The following COMMD10 variants were observed in gnomAD, a reference collection of about 807,000 sequenced individuals.
The protein encoded by COMMD10 is COMM domain containing 10, also known as COMM domain-containing protein 10.
COMMD10 carries 33 observed loss-of-function variants against 28.9 expected under a neutral mutation model. The observed-to-expected ratio is 1.14, with a 90% CI of 0.87 to 1.53. COMMD10 has a LOEUF of 1.53. COMMD10 is among the 40% of genes most tolerant of loss of function. The pLI is 0.00. For missense variants in COMMD10, 310 were observed against 233.4 expected (o/e 1.33, Z -2.14); for synonymous variants, 110 against 81.7 (o/e 1.35, Z -1.87).
At position 116,266,315 on chromosome 5, in the gene COMMD10, G is replaced by A. The variant is rs1453734008; in HGVS notation, c.511-25202G>A. Among the ~76,000 whole-genome samples, 5 of 151,644 alleles carry A rather than the reference G, an allele frequency of 3.3e-5. No homozygotes were observed. The East Asian group carries it at 7.7e-4, about 23-fold the overall frequency. ...TTTTGAGGTATTATGGATCCAAATTGTAGATTTTTTAAAGGTTAAGCTGTT... is the reference window on the plus strand; with the variant it reads ...TTTTGAGGTATTATGGATCCAAATTATAGATTTTTTAAAGGTTAAGCTGTT... On this transcript the variant is annotated intron_variant, in intron 5 of 6. Coordinates refer to ENST00000274458, the MANE Select transcript of COMMD10 (RefSeq NM_016144.4).
intron 5 of COMMD10, among the ~76,000 whole-genome samples, chr5:116,247,573 C>T (rs994688071): frequency 2.7e-5 from 4 of 150,002 alleles, no homozygotes; most frequent in Non-Finnish European, 4.5e-5. Context: ...TCAAGCTAAA[C>T]GCCTGTCACT....
chr5:116,193,531 A>G (rs1748428080), intron 5 of COMMD10, among the ~76,000 whole-genome samples: 1 of 152,202 alleles, frequency 6.6e-6, no homozygotes, highest in Non-Finnish European at 1.5e-5. Context: ...AGCTACTCTT[A>G]TGTCAGACAA....
intron 5 of COMMD10, among the ~76,000 whole-genome samples, chr5:116,141,689 C>T (rs1752201463): frequency 6.6e-6 from 1 of 151,462 alleles, no homozygotes; most frequent in South Asian, 2.1e-4. Context: ...TAGCGGGGGG[C>T]TGGGAAGAGG....
At chr5:116,203,949 T>C (rs1300812151) in intron 5 of COMMD10, among the ~76,000 whole-genome samples, 1 of 152,036 alleles carries the variant, frequency 6.6e-6, no homozygotes, top group Non-Finnish European at 1.5e-5. Flanking sequence ...GGCTGGCAAA[T>C]TGGATAAAGA....
At chr5:116,224,334 C>G (rs577963478) in intron 5 of COMMD10, among the ~76,000 whole-genome samples, 10 of 152,234 alleles carry the variant, frequency 6.6e-5, no homozygotes, top group South Asian at 4.1e-4. Flanking sequence ...CTCTACAGTT[C>G]CCAGCCATTG....
At chr5:116,260,530 C>A (rs1430796316) in intron 5 of COMMD10, among the ~76,000 whole-genome samples, 3 of 151,704 alleles carry the variant, frequency 2.0e-5, no homozygotes, top group Non-Finnish European at 4.4e-5. Flanking sequence ...TCTAACTTAA[C>A]CAATATTAAA....
intron 4 of COMMD10, among the ~76,000 whole-genome samples, chr5:116,129,064 T>C (rs1432492228): frequency 6.6e-6 from 1 of 151,874 alleles, no homozygotes; most frequent in Non-Finnish European, 1.5e-5. Context: ...TATGTAAACA[T>C]ACAATTCCAC....
chr5:116,150,175 A>G (rs1752474809), intron 5 of COMMD10, among the ~76,000 whole-genome samples: 1 of 151,918 alleles, frequency 6.6e-6, no homozygotes, highest in African/African-American at 2.4e-5. Context: ...GTAGCTATGC[A>G]GTGTTACTTC....
intron 5 of COMMD10, among the ~76,000 whole-genome samples, chr5:116,269,779 C>A (rs1227129298): frequency 1.3e-5 from 2 of 151,746 alleles, no homozygotes; most frequent in Non-Finnish European, 2.9e-5. Flanking sequence ...GGTTTGCTTA[C>A]ATGTAGGTTA....
intron 5 of COMMD10, among the ~76,000 whole-genome samples, chr5:116,191,359 C>G (rs954071505): frequency 6.6e-6 from 1 of 151,788 alleles, no homozygotes; most frequent in African/African-American, 2.4e-5. Context: ...AGAATGAAGC[C>G]CTATTCTTTT....
chr5:116,200,785 A>T (rs1041799645), intron 5 of COMMD10, among the ~76,000 whole-genome samples: 2 of 151,830 alleles, frequency 1.3e-5, no homozygotes, highest in African/African-American at 4.8e-5. Flanking sequence ...CTCTTCTTGT[A>T]CTTCCCATCT....
At chr5:116,254,412 C>G (rs192266779) in intron 5 of COMMD10, among the ~76,000 whole-genome samples, 4,424 of 150,402 alleles carry the variant, frequency 0.029, 113 homozygotes, top group East Asian at 0.13. Flanking sequence ...TTGGATCTTT[C>G]CTGCTTTCTC....
rs183050922 is a variant in COMMD10, at chr5:116,231,475, G to A, written c.511-60042G>A. On this transcript the variant is annotated intron_variant, in intron 5 of 6. Coordinates refer to ENST00000274458, the MANE Select transcript of COMMD10 (RefSeq NM_016144.4). ...GATGCAGGTAATGTATTTATTCAGC[G>A]AGTCGTGGTTATATGGGTGTGTTTA... 2.5e-3 allele frequency among the ~76,000 whole-genome samples: 376 copies of A among 152,182 alleles called. 2 individuals carry two copies. The highest frequency in any genetic ancestry group is 7.9e-3 in the African/African-American group (330 of 41,554).
At chr5:116,099,765 T>A (rs1447207135) in intron 4 of COMMD10, among the ~76,000 whole-genome samples, 1 of 152,212 alleles carries the variant, frequency 6.6e-6, no homozygotes, top group African/African-American at 2.4e-5. Context: ...GAATGTCTGT[T>A]CAGTTCCTTT....
chr5:116,184,795 A>G (rs1748086255), intron 5 of COMMD10, among the ~76,000 whole-genome samples: 2 of 152,078 alleles, frequency 1.3e-5, no homozygotes, highest in Non-Finnish European at 2.9e-5. Context: ...AGAAGATTTT[A>G]TATATAAATG....
At chr5:116,165,957 CT>C (rs1484325266) in intron 5 of COMMD10, among the ~76,000 whole-genome samples, 1 of 152,072 alleles carries the variant, frequency 6.6e-6, no homozygotes, top group African/African-American at 2.4e-5. Flanking sequence ...TCATCTTACC[CT>C]TTTTTAGTCA....
At chr5:116,266,404 G>A (rs1046657560) in intron 5 of COMMD10, among the ~76,000 whole-genome samples, 12 of 151,584 alleles carry the variant, frequency 7.9e-5, no homozygotes, top group South Asian at 4.2e-4. Flanking sequence ...ACTGAAATCC[G>A]CAGCGATGCT....
intron 5 of COMMD10, among the ~76,000 whole-genome samples, chr5:116,136,859 C>T (rs904596882): frequency 2.6e-5 from 4 of 152,116 alleles, no homozygotes; most frequent in Non-Finnish European, 4.4e-5. Context: ...AGCACACATA[C>T]ATAAAAGATA....
At chr5:116,253,158 CTT>C (rs1212898391) in intron 5 of COMMD10, among the ~76,000 whole-genome samples, 3 of 105,962 alleles carry the variant, frequency 2.8e-5, no homozygotes, top group African/African-American at 8.9e-5. Flanking sequence ...TATCCTGAGA[CTT>C]TGCTGAAGTT....
Sources: gnomAD v4.1 joint callset for allele counts (sites outside exome capture counted in the v4.1 genomes callset) on GRCh38, gnomAD v4.1.1 for gene constraint, MANE v1.5 for transcripts, NCBI Gene and HGNC (gene_info 2026-07-23, HGNC 2026-07-21) for gene names.